The following RAD54L2 variants were observed in gnomAD, a reference collection of about 807,000 sequenced individuals.
RAD54L2 encodes the protein helicase ARIP4.
In RAD54L2, 27 loss-of-function variants were observed where a neutral mutation model predicts 138.4. The observed-to-expected ratio is 0.20, with a 90% CI of 0.14 to 0.27. RAD54L2 has a LOEUF of 0.27. RAD54L2 is among the 10% of genes least tolerant of loss of function. The pLI, the probability that RAD54L2 is intolerant of heterozygous loss-of-function variation, is 1.00. For missense variants in RAD54L2, 1,396 were observed against 1,890.2 expected (o/e 0.74, Z 4.85); for synonymous variants, 644 against 723.2 (o/e 0.89, Z 1.76).
chr3:51,613,817 G>C (rs1700386894), intron 3 of RAD54L2, among the ~76,000 whole-genome samples: 1 of 148,222 alleles, frequency 6.7e-6, no homozygotes, highest in African/African-American at 2.5e-5. Flanking sequence ...TGATTGTTTT[G>C]TTACTACTGT....
In RAD54L2 at chr3:51,629,355, A is replaced by G. The variant is rs188305542; in HGVS notation, c.363A>G (p.Gln121=). Residue 121 remains glutamine (Q), a synonymous_variant, in exon 5 of 23, where the codon CAA becomes CAG. Coordinates refer to ENST00000684192, the MANE Select transcript of RAD54L2 (RefSeq NM_015106.4). ...RNIRKLLRED[Q]LEPVTKAAQQ... Reference sequence around the variant, plus strand: ...TTAGAAAGCTACTCCGGGAGGATCAATTGGAGCCTGTTACCAAAGCAGCAC... The same window carrying G: ...TTAGAAAGCTACTCCGGGAGGATCAGTTGGAGCCTGTTACCAAAGCAGCAC... 2.3e-4 allele frequency: 374 copies of G among 1,593,962 alleles called. 1 individual carries two copies. In the East Asian group the frequency reaches 7.2e-3, roughly 31 times the overall value.
intron 3 of RAD54L2, among the ~76,000 whole-genome samples, chr3:51,616,684 T>C (rs973819843): frequency 2.6e-5 from 4 of 152,006 alleles, no homozygotes; most frequent in African/African-American, 9.7e-5. Context: ...AAAAATTAGC[T>C]GGGCTTGGTG....
chr3:51,565,119 A>G (rs537914408), intron 2 of RAD54L2, among the ~76,000 whole-genome samples: 7 of 152,318 alleles, frequency 4.6e-5, no homozygotes, highest in African/African-American at 1.7e-4. Flanking sequence ...ATGAGTTGCT[A>G]GAATGTCAGG....
intron 1 of RAD54L2, chr3:51,541,070 T>G (rs1482538206): frequency 2.6e-5 from 4 of 151,530 alleles, no homozygotes; most frequent in Non-Finnish European, 5.9e-5. Flanking sequence ...AAAAGTAGTA[T>G]TCTTTCTCTT....
chr3:51,613,541 G>A (rs1700380666), intron 3 of RAD54L2, among the ~76,000 whole-genome samples: 1 of 152,140 alleles, frequency 6.6e-6, no homozygotes, highest in East Asian at 1.9e-4. Context: ...GGCTGAGGCG[G>A]GTGGGTCACG....
chr3:51,554,625 G>A (rs974622599), intron 2 of RAD54L2, among the ~76,000 whole-genome samples: 1 of 152,090 alleles, frequency 6.6e-6, no homozygotes, highest in Non-Finnish European at 1.5e-5. Flanking sequence ...CAAAGCCATC[G>A]TTTGTGGTGG....
chr3:51,660,686 A>G (rs1202583340), intron 22 of RAD54L2, among the ~76,000 whole-genome samples: 1 of 150,916 alleles, frequency 6.6e-6, no homozygotes, highest in African/African-American at 2.4e-5. Flanking sequence ...CAATGGTGCA[A>G]TCTCGGCTCA....
intron 2 of RAD54L2, among the ~76,000 whole-genome samples, chr3:51,586,805 G>A (rs998822995): frequency 6.6e-5 from 10 of 151,918 alleles, no homozygotes; most frequent in Admixed American, 4.6e-4. Flanking sequence ...CTGACCTCAG[G>A]TGATCTGCTC....
chr3:51,579,982 A>G (rs1699570222), intron 2 of RAD54L2, among the ~76,000 whole-genome samples: 1 of 152,142 alleles, frequency 6.6e-6, no homozygotes, highest in African/African-American at 2.4e-5. Context: ...TCCAACACTA[A>G]CAATCAATTT....
At chr3:51,567,233 G>A (rs9816075) in intron 2 of RAD54L2, among the ~76,000 whole-genome samples, 5,824 of 152,182 alleles carry the variant, frequency 0.038, 397 homozygotes, top group African/African-American at 0.13. Context: ...CTTTTTATAA[G>A]CATAGCTGTG....
At chr3:51,632,396 C>T (rs924410240) in intron 7 of RAD54L2, among the ~76,000 whole-genome samples, 2 of 152,102 alleles carry the variant, frequency 1.3e-5, no homozygotes, top group Non-Finnish European at 2.9e-5. Flanking sequence ...CAGGCTCAAG[C>T]GATTCTCCTG....
At chr3:51,570,008 T>G (rs893114299) in intron 2 of RAD54L2, among the ~76,000 whole-genome samples, 1 of 151,876 alleles carries the variant, frequency 6.6e-6, no homozygotes, top group East Asian at 1.9e-4. Flanking sequence ...GATTTTGTAG[T>G]TTTTTATAGA....
In RAD54L2 at chr3:51,645,833, C is replaced by CT. The variant is rs1701265657; in HGVS notation, c.2829+76dup. Reference sequence around the variant, plus strand: ...TGTCAAAGGAGGCTTGTCTTGTAAGCTTTTTTCTTCATCTGAGGTGATGTT... The same window carrying CT: ...TGTCAAAGGAGGCTTGTCTTGTAAGCTTTTTTTCTTCATCTGAGGTGATGTT... On this transcript the variant is annotated intron_variant, in intron 18 of 22. Coordinates refer to ENST00000684192, the MANE Select transcript of RAD54L2 (RefSeq NM_015106.4). This position sits in a 1 kb window ranked among gnomAD's most constrained non-coding sequence, Gnocchi z 6.1. 2 of 1,446,842 alleles carry CT rather than the reference C, an allele frequency of 1.4e-6. No homozygotes were observed. Among genetic ancestry groups the CT allele is most frequent in the Non-Finnish European group, 1.8e-6 (2 of 1,081,676 alleles). The allele number at this position is 1,446,842 out of a possible 1,614,324, so 89.6% of individuals were successfully genotyped here.
chr3:51,596,181 G>A (rs957908069), intron 3 of RAD54L2, among the ~76,000 whole-genome samples: 4 of 145,372 alleles, frequency 2.8e-5, no homozygotes, highest in Admixed American at 1.4e-4. Context: ...ACCCACCTCG[G>A]CCTCCCAAAG....
intron 3 of RAD54L2, among the ~76,000 whole-genome samples, chr3:51,610,094 C>T (rs1480711448): frequency 6.6e-6 from 1 of 151,852 alleles, no homozygotes; most frequent in African/African-American, 2.4e-5. Flanking sequence ...CGAGATCGAG[C>T]CACTGCACTC....
chr3:51,656,525 G>A (rs192665921), intron 20 of RAD54L2, among the ~76,000 whole-genome samples: 1 of 152,266 alleles, frequency 6.6e-6, no homozygotes, highest in Non-Finnish European at 1.5e-5. Flanking sequence ...ATAAAAGACA[G>A]CTGTCAACCT....
chr3:51,586,395 G>A (rs1241880522), intron 2 of RAD54L2, among the ~76,000 whole-genome samples: 1 of 151,460 alleles, frequency 6.6e-6, no homozygotes, highest in Non-Finnish European at 1.5e-5. Context: ...TGGGATTACA[G>A]GCATGAACCA....
In RAD54L2 at chr3:51,610,657, A is replaced by AAAAAAAAAAAAC. The variant is rs1180965179; in HGVS notation, c.140-16896_140-16895insAAAAAAAAAAAC. ...TCCATCTCAAAAAAAAAAAAAAAAA[A>AAAAAAAAAAAAC]CAGAAAGAATGAATGAATCTTCTTT... On this transcript the variant is annotated intron_variant, in intron 3 of 22. Coordinates refer to ENST00000684192, the MANE Select transcript of RAD54L2 (RefSeq NM_015106.4). Among the ~76,000 whole-genome samples the AAAAAAAAAAAAC allele has an allele frequency of 1.4e-3, 211 of 151,238 alleles. 1 individual carries two copies. The highest frequency in any genetic ancestry group is 5.0e-3 in the African/African-American group (204 of 40,912).
intron 3 of RAD54L2, among the ~76,000 whole-genome samples, chr3:51,625,414 A>G (rs146456061): frequency 0.012 from 1,855 of 152,138 alleles, 19 homozygotes; most frequent in Non-Finnish European, 0.018. Context: ...GTGAAACTCC[A>G]TCTCAACCAA....
Sources: allele counts gnomAD v4.1 joint callset (sites outside exome capture counted in the v4.1 genomes callset), GRCh38; gene constraint gnomAD v4.1.1; non-coding constraint Gnocchi (gnomAD v3.1); transcripts MANE v1.5; gene names NCBI Gene and HGNC (gene_info 2026-07-23, HGNC 2026-07-21).